The following CCDC171 variants were observed in gnomAD, a reference collection of about 807,000 sequenced individuals.
CCDC171 encodes the protein coiled-coil domain containing 171, also known as coiled-coil domain-containing protein 171.
Under a neutral mutation model 168.2 loss-of-function variants are expected in CCDC171, and 177 were observed. The observed-to-expected ratio is 1.05, with a 90% confidence interval of 0.93 to 1.19. CCDC171 has a LOEUF of 1.19. Ranked by LOEUF, CCDC171 falls within the 50% of genes most tolerant of loss-of-function variation. The pLI is 0.00. For missense variants in CCDC171, 1,991 were observed against 1,539.0 expected (o/e 1.29, Z -4.91); for synonymous variants, 687 against 540.8 (o/e 1.27, Z -3.75).
At chr9:15,644,763 G>C (rs1048802048) in intron 7 of CCDC171, among the ~76,000 whole-genome samples, 2 of 152,192 alleles carry the variant, frequency 1.3e-5, no homozygotes, top group Non-Finnish European at 2.9e-5. Context: ...ACTGGGTGGA[G>C]CCCACCGCAG....
chr9:15,780,794 T>G (rs944052803), intron 20 of CCDC171, among the ~76,000 whole-genome samples: 1 of 152,234 alleles, frequency 6.6e-6, no homozygotes, highest in African/African-American at 2.4e-5. Flanking sequence ...TCATTTTAGT[T>G]AAATGAATAC....
chr9:15,632,774 C>A (rs1350195266), intron 7 of CCDC171, among the ~76,000 whole-genome samples: 3 of 152,184 alleles, frequency 2.0e-5, no homozygotes, highest in Admixed American at 6.5e-5. Context: ...TCAAACTATA[C>A]TACAAGGCTA....
chr9:15,870,117 A>AT (rs1323973203), intron 23 of CCDC171, among the ~76,000 whole-genome samples: 2 of 88,908 alleles, frequency 2.2e-5, no homozygotes, highest in Admixed American at 1.5e-4. Flanking sequence ...ATAAAACTTT[A>AT]TTTATAATAG....
At chr9:15,731,053 T>A (rs1238285449) in intron 16 of CCDC171, among the ~76,000 whole-genome samples, 1 of 152,128 alleles carries the variant, frequency 6.6e-6, no homozygotes, top group East Asian at 1.9e-4. Flanking sequence ...TGAGCATTTA[T>A]CATTTCTTTG....
chr9:15,746,150 C>T (rs1410155097), intron 18 of CCDC171, among the ~76,000 whole-genome samples: 1 of 152,128 alleles, frequency 6.6e-6, no homozygotes, highest in Non-Finnish European at 1.5e-5. Context: ...GTTTAAAATG[C>T]AAGTTTTTTT....
intron 6 of CCDC171, 45 bp from the exon 7 acceptor site, chr9:15,623,222 G>A: frequency 6.9e-7 from 1 of 1,458,638 alleles, no homozygotes; most frequent in Non-Finnish European, 9.2e-7. Context: ...CTTAGTCATT[G>A]ATGGCTTATA....
At chr9:15,656,461 T>A (rs1214099952) in intron 7 of CCDC171, among the ~76,000 whole-genome samples, 1 of 152,230 alleles carries the variant, frequency 6.6e-6, no homozygotes, top group Non-Finnish European at 1.5e-5. Context: ...TTATTTGTAA[T>A]TGCCTAAACT....
At chr9:15,627,882 T>G (rs777428221) in intron 7 of CCDC171, among the ~76,000 whole-genome samples, 1 of 152,176 alleles carries the variant, frequency 6.6e-6, no homozygotes, top group African/African-American at 2.4e-5. Flanking sequence ...TTGTTAACTT[T>G]CGTCTAGTTG....
At chr9:15,605,169 T>G (rs890177315) in intron 6 of CCDC171, among the ~76,000 whole-genome samples, 1 of 152,062 alleles carries the variant, frequency 6.6e-6, no homozygotes, top group African/African-American at 2.4e-5. Context: ...AGTATTGAGA[T>G]TACAGGAGTG....
intron 21 of CCDC171, among the ~76,000 whole-genome samples, chr9:15,822,674 G>A (rs1219524398): frequency 6.6e-6 from 1 of 152,180 alleles, no homozygotes; most frequent in Non-Finnish European, 1.5e-5. Context: ...TCATTAAAAA[G>A]TCAGGAAACA....
At chr9:15,702,612 C>T (rs1367790628) in intron 11 of CCDC171, among the ~76,000 whole-genome samples, 1 of 152,074 alleles carries the variant, frequency 6.6e-6, no homozygotes, top group Non-Finnish European at 1.5e-5. Context: ...TGACTTCTCC[C>T]CTCTAGCTGT....
the CCDC171 span, among the ~76,000 whole-genome samples, chr9:16,094,338 G>T: frequency 3.3e-5 from 5 of 152,230 alleles, no homozygotes; most frequent in Admixed American, 2.6e-4. Flanking sequence ...GAGCTGGTTA[G>T]GAGAGTCTGT....
chr9:15,848,040 G>T (rs868641645), intron 22 of CCDC171, among the ~76,000 whole-genome samples: 39 of 151,922 alleles, frequency 2.6e-4, no homozygotes, highest in South Asian at 1.5e-3. Flanking sequence ...TCAAATGAGA[G>T]GCTTAGCCCA....
At chr9:15,853,227 C>T (rs537970261) in intron 23 of CCDC171, among the ~76,000 whole-genome samples, 1 of 151,658 alleles carries the variant, frequency 6.6e-6, no homozygotes, top group South Asian at 2.1e-4. Context: ...TGCCTTTCTA[C>T]TTATTTAGAT....
At chr9:16,078,359 A>C in the CCDC171 span, among the ~76,000 whole-genome samples, 1 of 152,152 alleles carries the variant, frequency 6.6e-6, no homozygotes, top group Non-Finnish European at 1.5e-5. Context: ...AGTGACAAGC[A>C]GGGAAACAGC....
rs1343377909 is a variant in CCDC171 at position 15,820,724 on chromosome 9, C to T, written c.3268-25978C>T. 1.3e-4 allele frequency among the ~76,000 whole-genome samples: 15 copies of T among 116,826 alleles called. 4 individuals are homozygous for T. Among genetic ancestry groups the T allele is most frequent in the African/African-American group, 3.5e-4 (11 of 31,084 alleles). 76.6% of individuals were successfully genotyped at this position (116,826 alleles called of 152,430 possible). A position where few individuals can be genotyped will look rare whatever the true frequency, so the allele number is the denominator to read the frequency against. ...CTTACCAACCAAAAAAAGTCCAGGA[C>T]CAGATGGATTCACAGCCGAATTCTA... On this transcript the variant is annotated intron_variant, in intron 21 of 25. Transcript: ENST00000380701.
rs866087708 is a variant in CCDC171 at position 15,626,898 on chromosome 9, C to G, written c.822+3485C>G. 7.9e-5 allele frequency among the ~76,000 whole-genome samples: 12 copies of G among 152,274 alleles called. No individual in the cohort carries two copies. In the South Asian group the frequency reaches 1.2e-3, roughly 16 times the overall value. On this transcript the variant is annotated intron_variant, in intron 7 of 25. Coordinates refer to ENST00000380701, the MANE Select transcript of CCDC171 (RefSeq NM_173550.4). ...ATAGTTTCAGAAGGAATGGTACCAG[C>G]TCCTCCTTGTACCTCTGGTAGAATT...
At chr9:15,641,649 T>C (rs940736305) in intron 7 of CCDC171, among the ~76,000 whole-genome samples, 6 of 152,156 alleles carry the variant, frequency 3.9e-5, no homozygotes, top group Non-Finnish European at 5.9e-5. Context: ...CTTCTCTATA[T>C]TGCCCTCTTG....
chr9:15,627,376 C>T (rs1009849317), intron 7 of CCDC171, among the ~76,000 whole-genome samples: 1 of 151,866 alleles, frequency 6.6e-6, no homozygotes, highest in Non-Finnish European at 1.5e-5. Context: ...TATGTGTTTG[C>T]TCTTGCTTCT....
Sources: gnomAD v4.1 joint callset for allele counts (sites outside exome capture counted in the v4.1 genomes callset) on GRCh38, gnomAD v4.1.1 for gene constraint, MANE v1.5 for transcripts, NCBI Gene and HGNC (gene_info 2026-07-23, HGNC 2026-07-21) for gene names.